GPR18: variants seen among roughly 807,000 people sequenced by gnomAD.
GPR18 encodes N-arachidonyl glycine receptor.
In GPR18, 20 loss-of-function variants were observed where a neutral mutation model predicts 22.8. The observed-to-expected ratio is 0.88, with a 90% confidence interval of 0.62 to 1.28. The LOEUF is 1.28. Ranked by LOEUF, GPR18 falls within the 50% of genes most tolerant of loss-of-function variation. The pLI, the probability that GPR18 is intolerant of heterozygous loss-of-function variation, is 0.00. For synonymous variants in GPR18, 160 were observed against 155.3 expected, an observed-to-expected ratio of 1.03 and a Z score of -0.22; for missense variants, 379 against 412.0, an observed-to-expected ratio of 0.92 and a Z score of 0.69.
Position 99,255,469 on chromosome 13 carries a change from G to A in GPR18, c.404C>T (p.Thr135Met), listed in dbSNP as rs776752710. 4 of 1,614,072 alleles carry A rather than the reference G, an allele frequency of 2.5e-6. No individual in the cohort carries two copies. The highest frequency in any genetic ancestry group is 1.3e-5 in the African/African-American group (1 of 75,006). Reference protein sequence around the residue: ...QPKYAKELKNTCKAVLACVGV... With the variant: ...QPKYAKELKNMCKAVLACVGV... ...CACACACGCCAGCACGGCTTTGCAC[G>A]TGTTTTTAAGTTCTTTGGCGTACTT... The change falls in exon 2 of 2, where the codon ACG becomes ATG. Residue 135 changes from threonine to methionine, a missense_variant. By Grantham distance (81) the Thr-to-Met change is moderately conservative (BLOSUM62 -1). Transcript: ENST00000397470.
chr13:99,256,565 A>G (rs748413757), intron 1 of GPR18: 5 of 152,160 alleles, frequency 3.3e-5, no homozygotes, highest in Non-Finnish European at 7.3e-5. Context: ...TCCTCATTCC[A>G]TCTAGATTCA....
rs372413471 is a variant in GPR18, at chr13:99,255,132, G to A, written c.741C>T (p.Pro247=). The A allele has an allele frequency of 1.9e-6, 3 of 1,614,008 alleles. No homozygotes were observed. The African/African-American group carries it at 4.0e-5, about 22-fold the overall frequency. The change falls in exon 2 of 2, where the codon CCC becomes CCT. Residue 247 remains proline (P), a synonymous_variant. Coordinates refer to ENST00000397470, the MANE Select transcript of GPR18 (RefSeq NM_001098200.2). The part of the protein sequence containing the change: ...LLVQVLVCFM[P]FHICFAFLML... ...TCAGGAAAGCGAAACAGATGTGGAA[G>A]GGCATAAAGCAGACGAGCACCTGCA...
Position 99,255,497 on chromosome 13 carries a change from G to A in GPR18, c.376C>T (p.Pro126Ser). ...TTTTTAAGTTCTTTGGCGTACTTCG[G>A]CTGTACAATGGCCATGTATCTGTCA... ...SADRYMAIVQ[P>S]KYAKELKNTC... Residue 126 changes from proline (P) to serine (S), a missense_variant, in exon 2 of 2, where the codon CCG (proline) becomes TCG (serine). Transcript: ENST00000397470. 6.2e-7 allele frequency: 1 copy of A among 1,614,086 alleles called. No homozygotes were observed. Among genetic ancestry groups the A allele is most frequent in the Non-Finnish European group, 8.5e-7 (1 of 1,180,016 alleles).
chr13:99,254,977 CTA>C lies in GPR18; in HGVS notation c.894_895del (p.Ile298MetfsTer7). The C allele has an allele frequency of 6.2e-7, 1 of 1,614,058 alleles. No individual in the cohort carries two copies. The highest frequency in any genetic ancestry group is 2.2e-5 in the East Asian group (1 of 44,878). ...AAGGTAATTACGGTATAGCATGACA[CTA>C]ATGACTCGAGCCTGAAATTGTTTTG... On this transcript the variant is annotated frameshift_variant, in exon 2 of 2. Transcript: ENST00000397470. LOFTEE classifies it high-confidence loss of function.
In GPR18 at chr13:99,255,029, C is replaced by T; in HGVS notation, c.844G>A (p.Asp282Asn). 1 of 1,614,104 alleles carries T rather than the reference C, an allele frequency of 6.2e-7. No homozygotes were observed. The highest frequency in any genetic ancestry group is 2.2e-5 in the East Asian group (1 of 44,880). ...TFLMNLSTCLDVILYYIVSKQ... is the reference protein window; with the variant it reads ...TFLMNLSTCLNVILYYIVSKQ... ...GAAACGATGTAGTAGAGAATCACAT[C>T]CAGACACGTGCTGAGGTTCATGAGG... The change falls in exon 2 of 2, where the codon GAT becomes AAT. Residue 282 changes from aspartate (D) to asparagine (N), a missense_variant. Physicochemically the swap from Asp to Asn is conservative, Grantham distance 23. Coordinates refer to ENST00000397470, the MANE Select transcript of GPR18 (RefSeq NM_001098200.2).
intron 1 of GPR18, chr13:99,256,440 A>G (rs1367226188): frequency 1.3e-5 from 2 of 152,208 alleles, no homozygotes; most frequent in East Asian, 3.8e-4. Context: ...TCTAGTGCAC[A>G]ATTGGGAGTA....
rs769289500 is a variant in GPR18, at chr13:99,254,932, CT to C, written c.940del (p.Ser314ValfsTer10). The C allele has an allele frequency of 6.2e-7, 1 of 1,613,876 alleles. No homozygotes were observed. The highest frequency in any genetic ancestry group is 8.5e-7 in the Non-Finnish European group (1 of 1,179,974). ...RNYLRSMRRK[S>X]FRSGSLRSLS... is the part of the protein sequence containing the mutation. ...TGACCGTAGACTACCAGATCGGAAACTTTTTCTGCGCATGCTTCGAAGGTAA... is the reference window on the plus strand; with the variant it reads ...TGACCGTAGACTACCAGATCGGAAACTTTTCTGCGCATGCTTCGAAGGTAA... On this transcript the variant is annotated frameshift_variant, in exon 2 of 2. Transcript: ENST00000397470. LOFTEE classifies it high-confidence loss of function.
Position 99,255,101 on chromosome 13 carries a change from C to T in GPR18, c.772G>A (p.Gly258Arg). Residue 258 changes from glycine (G) to arginine (R), a missense_variant, in exon 2 of 2, where the codon GGA becomes AGA. Transcript: ENST00000397470. ...GGATTGTAACTGTTCTCCCCCGTTC[C>T]CAGCATCAGGAAAGCGAAACAGATG... ...FHICFAFLMLGTGENSYNPWG... is the reference protein window; with the variant it reads ...FHICFAFLMLRTGENSYNPWG... 1 of 1,614,082 alleles carries T rather than the reference C, an allele frequency of 6.2e-7. No individual in the cohort carries two copies.
At position 99,255,793 on chromosome 13, in the gene GPR18, A is replaced by T; in HGVS notation, c.80T>A (p.Val27Asp). Residue 27 changes from valine to aspartate, a missense_variant, in exon 2 of 2, where the codon GTC (valine) becomes GAC (aspartate). Coordinates refer to ENST00000397470, the MANE Select transcript of GPR18 (RefSeq NM_001098200.2). Reference sequence around the variant, plus strand: ...AATTATGAAGATACAGCTATAGAAGACAAGGGCTGCAATTTTGTATTCATC... The same window carrying T: ...AATTATGAAGATACAGCTATAGAAGTCAAGGGCTGCAATTTTGTATTCATC... ...HPDEYKIAAL[V>D]FYSCIFIIGL... is the part of the protein sequence containing the mutation. The T allele has an allele frequency of 6.2e-7, 1 of 1,612,690 alleles. No homozygotes were observed. Among genetic ancestry groups the T allele is most frequent in the Non-Finnish European group, 8.5e-7 (1 of 1,179,320 alleles).
Position 99,255,615 on chromosome 13 carries a change from T to C in GPR18, c.258A>G (p.Glu86=), listed in dbSNP as rs765850458. 1 of 1,614,128 alleles carries C rather than the reference T, an allele frequency of 6.2e-7. No homozygotes were observed. Among genetic ancestry groups the C allele is most frequent in the Admixed American group, 1.7e-5 (1 of 60,026 alleles). ...PFRMFYYAKD[E]WPFGEYFCQI... Reference sequence around the variant, plus strand: ...GGCAGAAGTACTCTCCAAATGGCCATTCATCTTTTGCATAATAAAACATTC... The same window carrying C: ...GGCAGAAGTACTCTCCAAATGGCCACTCATCTTTTGCATAATAAAACATTC... The change falls in exon 2 of 2, where the codon GAA becomes GAG. Residue 86 remains glutamate (E), a synonymous_variant. Transcript: ENST00000397470.
rs1252547920 is a variant in GPR18, at chr13:99,255,349, A to G, written c.524T>C (p.Ile175Thr). 8.7e-6 allele frequency: 14 copies of G among 1,614,074 alleles called. No individual in the cohort carries two copies. The highest frequency in any genetic ancestry group is 2.7e-5 in the African/African-American group (2 of 74,940). The change falls in exon 2 of 2, where the codon ATT becomes ACT. Residue 175 changes from isoleucine to threonine, a missense_variant. Ile to Thr is a moderately conservative substitution (Grantham distance 89, BLOSUM62 -1). Transcript: ENST00000397470. ...AGCTTTTAGATAGATGATGTCAGAA[A>G]TCTTGAGGCAGGTGGCGGGAGTGGA... ...KDSTPATCLK[I>T]SDIIYLKAVN...
intron 1 of GPR18, among the ~76,000 whole-genome samples, chr13:99,257,012 A>G (rs1328045140): frequency 2.0e-5 from 3 of 152,190 alleles, no homozygotes; most frequent in Admixed American, 2.0e-4. Flanking sequence ...ATCACGGGCT[A>G]TTGATAATTA....
At chr13:99,255,941 C>G (rs766408007) in intron 1 of GPR18, 35 bp from the exon 2 acceptor site, 2 of 1,408,616 alleles carry the variant, frequency 1.4e-6, no homozygotes, top group Non-Finnish European at 1.9e-6. Context: ...AGAATAAAAT[C>G]GTTGGTTAAA....
At chr13:99,257,163 G>C (rs2138632794) in intron 1 of GPR18, among the ~76,000 whole-genome samples, 1 of 151,742 alleles carries the variant, frequency 6.6e-6, no homozygotes, top group South Asian at 2.1e-4. Flanking sequence ...TATGATTTAG[G>C]AGCATAATTC....
At position 99,255,647 on chromosome 13, in the gene GPR18, G is replaced by C; in HGVS notation, c.226C>G (p.Pro76Ala). The C allele has an allele frequency of 6.2e-7, 1 of 1,613,924 alleles. No individual in the cohort carries two copies. Among genetic ancestry groups the C allele is most frequent in the Non-Finnish European group, 8.5e-7 (1 of 1,179,972 alleles). The change falls in exon 2 of 2, where the codon CCC becomes GCC. Residue 76 changes from proline (P) to alanine (A), a missense_variant. Transcript: ENST00000397470. Reference sequence around the variant, plus strand: ...TTTGCATAATAAAACATTCGAAAGGGTAAAGTCATTATAAATATCAAGTCC... The same window carrying C: ...TTTGCATAATAAAACATTCGAAAGGCTAAAGTCATTATAAATATCAAGTCC... ...LVDLIFIMTL[P>A]FRMFYYAKDE...
Position 99,255,260 on chromosome 13 carries a change from C to G in GPR18, c.613G>C (p.Gly205Arg). 3 of 1,614,068 alleles carry G rather than the reference C, an allele frequency of 1.9e-6. No homozygotes were observed. The highest frequency in any genetic ancestry group is 2.5e-6 in the Non-Finnish European group (3 of 1,180,018). Reference sequence around the variant, plus strand: ...TTATGAATAATGACCAAGTAGCACCCAATCATGATGAACAAAGGAATCAAG... The same window carrying G: ...TTATGAATAATGACCAAGTAGCACCGAATCATGATGAACAAAGGAATCAAG... ...FFLIPLFIMI[G>R]CYLVIIHNLL... The change falls in exon 2 of 2, where the codon GGG (glycine) becomes CGG (arginine). Residue 205 changes from glycine to arginine, a missense_variant. Physicochemically the swap from Gly to Arg is moderately radical, Grantham distance 125 (BLOSUM62 -2). Coordinates refer to ENST00000397470, the MANE Select transcript of GPR18 (RefSeq NM_001098200.2).
At position 99,258,239 on chromosome 13, in the gene GPR18, G is replaced by A. The variant is rs975516160; in HGVS notation, c.-120C>T. 2.9e-4 allele frequency: 44 copies of A among 152,330 alleles called. No homozygotes were observed. Among genetic ancestry groups the A allele is most frequent in the African/African-American group, 1.1e-3 (44 of 41,578 alleles). The allele number at this position is 152,330 out of a possible 1,614,324, so 9.4% of individuals were successfully genotyped here. ...GAAGGGATATCTTTGAGTTGCTTCT[G>A]TTAAAATAGCTCTTTCTGGAAACAG... On this transcript the variant is annotated 5_prime_UTR_variant, in exon 1 of 2. Coordinates refer to ENST00000397470, the MANE Select transcript of GPR18 (RefSeq NM_001098200.2).
rs1566470973 is a variant in GPR18 at position 99,255,421 on chromosome 13, G to A, written c.452C>T (p.Thr151Ile). 2 of 1,614,090 alleles carry A rather than the reference G, an allele frequency of 1.2e-6. No individual in the cohort carries two copies. Among genetic ancestry groups the A allele is most frequent in the Non-Finnish European group, 1.7e-6 (2 of 1,180,022 alleles). ...GAGCAGTAGCAGAGGGGTGGTCGTG[G>A]TCAGGGTCATTATCCAGACTCCCAC... The part of the protein sequence containing the change: ...ACVGVWIMTL[T>I]TTTPLLLLYK... The change falls in exon 2 of 2, where the codon ACC becomes ATC. Residue 151 changes from threonine to isoleucine, a missense_variant. By Grantham distance (89) the Thr-to-Ile change is moderately conservative. Coordinates refer to ENST00000397470, the MANE Select transcript of GPR18 (RefSeq NM_001098200.2).
Position 99,255,271 on chromosome 13 carries a change from A to T in GPR18, c.602T>A (p.Phe201Tyr), listed in dbSNP as rs761883130. The change falls in exon 2 of 2, where the codon TTC (phenylalanine) becomes TAC (tyrosine). Residue 201 changes from phenylalanine (F) to tyrosine (Y), a missense_variant. Transcript: ENST00000397470. ...RLTFFFLIPL[F>Y]IMIGCYLVII... ...GACCAAGTAGCACCCAATCATGATG[A>T]ACAAAGGAATCAAGAAAAAAAATGT... 6.2e-7 allele frequency: 1 copy of T among 1,614,118 alleles called. No individual in the cohort carries two copies. Among genetic ancestry groups the T allele is most frequent in the Non-Finnish European group, 8.5e-7 (1 of 1,180,020 alleles).
Sources: gnomAD v4.1 joint callset for allele counts (sites outside exome capture counted in the v4.1 genomes callset) on GRCh38, gnomAD v4.1.1 for gene constraint, MANE v1.5 for transcripts, NCBI Gene and HGNC (gene_info 2026-07-23, HGNC 2026-07-21) for gene names.